The following CAST variants were observed in gnomAD, a reference collection of about 807,000 sequenced individuals.
CAST encodes MIR583 host.
In CAST, 76 loss-of-function variants were observed where a neutral mutation model predicts 119.6. That is an observed-to-expected ratio of 0.64 (90% CI 0.53 to 0.77). The LOEUF is 0.77. Among genes scored for constraint, CAST ranks in the 30% least tolerant of loss-of-function variants. The pLI is 0.00. For synonymous variants in CAST, 319 were observed against 331.6 expected (o/e 0.96, Z 0.41); for missense variants, 953 against 946.5 (o/e 1.01, Z -0.09).
Position 96,757,672 on chromosome 5 carries a change from G to A in CAST, c.1833+18G>A, listed in dbSNP as rs1766614835. 6.6e-7 allele frequency: 1 copy of A among 1,520,564 alleles called. No homozygotes were observed. The highest frequency in any genetic ancestry group is 9.0e-7 in the Non-Finnish European group (1 of 1,110,834). 94.2% of individuals were successfully genotyped at this position (1,520,564 alleles called of 1,614,324 possible). ...CATCTCTTGTAAGTCCAAAACTCTTGGTTTTATTTCTTTAGTTTTTTTTTT... is the reference window on the plus strand; with the variant it reads ...CATCTCTTGTAAGTCCAAAACTCTTAGTTTTATTTCTTTAGTTTTTTTTTT... On this transcript the variant is annotated intron_variant, in intron 24 of 31. Coordinates refer to ENST00000675179, the MANE Select transcript of CAST (RefSeq NM_001750.7).
At chr5:96,509,960 A>T in the CAST span, among the ~76,000 whole-genome samples, 1 of 152,248 alleles carries the variant, frequency 6.6e-6, no homozygotes, top group Non-Finnish European at 1.5e-5. Context: ...GGAAAGAAAC[A>T]GCAATAAAGT....
chr5:96,711,966 G>A, intron 3 of CAST, among the ~76,000 whole-genome samples: 1 of 152,056 alleles, frequency 6.6e-6, no homozygotes, highest in East Asian at 1.9e-4. Flanking sequence ...GGAATATGGT[G>A]AAAATTAATA....
At chr5:96,053,002 C>T in the CAST span, among the ~76,000 whole-genome samples, 2 of 152,168 alleles carry the variant, frequency 1.3e-5, no homozygotes, top group Non-Finnish European at 1.5e-5. Flanking sequence ...GAAGATCTTG[C>T]TCTAGTCCTG....
the CAST span, among the ~76,000 whole-genome samples, chr5:96,306,901 T>C: frequency 6.6e-6 from 1 of 152,206 alleles, no homozygotes; most frequent in African/African-American, 2.4e-5. Context: ...CAGTGCAATG[T>C]GGTGCTGAGA....
At chr5:96,407,866 A>G in the CAST span, among the ~76,000 whole-genome samples, 1 of 152,236 alleles carries the variant, frequency 6.6e-6, no homozygotes, top group Non-Finnish European at 1.5e-5. Context: ...AAGAGAATAA[A>G]CAAAAGGCGT....
chr5:96,177,761 C>CA, the CAST span, among the ~76,000 whole-genome samples: 1 of 152,178 alleles, frequency 6.6e-6, no homozygotes, highest in Non-Finnish European at 1.5e-5. Flanking sequence ...CCAGACAAGT[C>CA]AATGAGTGCT....
chr5:96,432,190 G>A, the CAST span: 1 of 1,478,036 alleles, frequency 6.8e-7, no homozygotes, highest in Non-Finnish European at 9.1e-7. Context: ...GACTTTATAA[G>A]TTCCCAGTGA....
the CAST span, among the ~76,000 whole-genome samples, chr5:96,118,577 A>G: frequency 6.6e-6 from 1 of 151,542 alleles, no homozygotes; most frequent in Admixed American, 6.6e-5. Context: ...TGACTAACCA[A>G]TTCTCTGAGC....
the CAST span, among the ~76,000 whole-genome samples, chr5:96,252,443 C>G: frequency 6.6e-6 from 1 of 152,078 alleles, no homozygotes; most frequent in Non-Finnish European, 1.5e-5. Flanking sequence ...ACAAAACTTA[C>G]GACTAAATGA....
At chr5:96,550,287 C>T (rs1281417396) in intron 1 of CAST, among the ~76,000 whole-genome samples, 1 of 152,234 alleles carries the variant, frequency 6.6e-6, no homozygotes, top group African/African-American at 2.4e-5. Flanking sequence ...TGGAGTGGAC[C>T]TCCAGCAAAC....
chr5:96,592,119 G>A (rs565448812), intron 1 of CAST, among the ~76,000 whole-genome samples: 2 of 152,300 alleles, frequency 1.3e-5, no homozygotes, highest in Admixed American at 6.5e-5. Flanking sequence ...AGCTATGGCC[G>A]GGTGCGGTGG....
chr5:96,449,277 AGTAAAG>A, the CAST span, among the ~76,000 whole-genome samples: 4 of 152,236 alleles, frequency 2.6e-5, no homozygotes, highest in Non-Finnish European at 5.9e-5. Flanking sequence ...GCCATGGAAC[AGTAAAG>A]GTCCGTGACC....
the CAST span, among the ~76,000 whole-genome samples, chr5:96,375,172 C>T: frequency 2.6e-5 from 4 of 152,068 alleles, no homozygotes; most frequent in African/African-American, 7.2e-5. Context: ...CTAGAAAGGG[C>T]GTTGGAAATG....
the CAST span, among the ~76,000 whole-genome samples, chr5:96,183,855 A>C: frequency 6.6e-6 from 1 of 152,202 alleles, no homozygotes; most frequent in East Asian, 1.9e-4. Flanking sequence ...GGACATGAAC[A>C]TTATGTTGAA....
the CAST span, among the ~76,000 whole-genome samples, chr5:96,068,630 T>TG: frequency 6.6e-6 from 1 of 150,946 alleles, no homozygotes; most frequent in South Asian, 2.1e-4. Flanking sequence ...TGTGTGTGTA[T>TG]AATATGTGTA....
chr5:96,556,975 C>T (rs1388530096), intron 1 of CAST, among the ~76,000 whole-genome samples: 2 of 152,050 alleles, frequency 1.3e-5, no homozygotes, highest in African/African-American at 4.8e-5. Context: ...TCGGGTTACC[C>T]ACAAAGGGAA....
the CAST span, among the ~76,000 whole-genome samples, chr5:96,304,883 T>C: frequency 2.0e-5 from 3 of 152,246 alleles, no homozygotes; most frequent in Non-Finnish European, 4.4e-5. Flanking sequence ...TCAGGTAGTA[T>C]GATGCCTCCA....
the CAST span, among the ~76,000 whole-genome samples, chr5:95,972,204 G>T: frequency 6.6e-6 from 1 of 151,874 alleles, no homozygotes; most frequent in African/African-American, 2.4e-5. Flanking sequence ...CAAAGTGTTG[G>T]GTTTACAGGT....
chr5:96,535,078 A>G (rs1400854211), intron 1 of CAST, among the ~76,000 whole-genome samples: 2 of 152,162 alleles, frequency 1.3e-5, no homozygotes, highest in African/African-American at 4.8e-5. Context: ...AGGCCTAATT[A>G]CTCTTACAGA....
Sources: allele counts gnomAD v4.1 joint callset (sites outside exome capture counted in the v4.1 genomes callset), GRCh38; gene constraint gnomAD v4.1.1; transcripts MANE v1.5; gene names NCBI Gene and HGNC (gene_info 2026-07-23, HGNC 2026-07-21).